ZNF487: variants seen among roughly 807,000 people sequenced by gnomAD.
ZNF487 encodes zinc finger protein 487, also known as KRAB domain only 1.
In ZNF487, 4 loss-of-function variants were observed where a neutral mutation model predicts 3.0. The observed-to-expected ratio is 1.35, with a 90% CI of 0.66 to 3.08. The LOEUF is 3.08. Among genes scored for constraint, ZNF487 ranks in the 30% most tolerant of loss-of-function variants. The probability of loss-of-function intolerance (pLI) is 0.01; values close to 1 mark genes in which losing one functional copy is unlikely to be tolerated. For missense variants in ZNF487, 146 were observed against 98.7 expected (o/e 1.48, Z -2.03); for synonymous variants, 55 against 34.6 (o/e 1.59, Z -2.06).
the ZNF487 span, among the ~76,000 whole-genome samples, chr10:43,500,150 C>T: frequency 6.6e-6 from 1 of 152,232 alleles, no homozygotes; most frequent in African/African-American, 2.4e-5. Flanking sequence ...GCTGGGATTA[C>T]AGGCATGAGC....
At chr10:43,437,419 C>T (rs1839428222) in intron 1 of ZNF487, among the ~76,000 whole-genome samples, 157 bp downstream of exon 1, 1 of 152,074 alleles carries the variant, frequency 6.6e-6, no homozygotes, top group African/African-American at 2.4e-5. Flanking sequence ...TCTTTGACCC[C>T]AGTGCGGGAG....
chr10:43,439,216 T>G (rs1839488808), intron 1 of ZNF487, among the ~76,000 whole-genome samples: 1 of 151,892 alleles, frequency 6.6e-6, no homozygotes, highest in African/African-American at 2.4e-5. Flanking sequence ...CACTCCAGCC[T>G]GGGTGACAGA....
the ZNF487 span, among the ~76,000 whole-genome samples, chr10:43,490,423 AT>A: frequency 2.2e-5 from 3 of 135,364 alleles, no homozygotes; most frequent in African/African-American, 8.3e-5. Context: ...TCTTCTTGTG[AT>A]TTTCCCCCCA....
chr10:43,476,060 C>T (rs1841089284), intron 2 of ZNF487, 47 bp from the exon 3 acceptor site: 3 of 712,082 alleles, frequency 4.2e-6, no homozygotes, highest in Admixed American at 2.1e-5. Flanking sequence ...ACACCTTTGT[C>T]CTCCGCAGGC....
downstream of ZNF487, among the ~76,000 whole-genome samples, chr10:43,484,179 C>T (rs1026438895): frequency 1.8e-4 from 28 of 152,044 alleles, no homozygotes; most frequent in Admixed American, 1.3e-3. Flanking sequence ...TTTATTCTCA[C>T]CTTAGAATCA....
chr10:43,512,663 C>T, the ZNF487 span, among the ~76,000 whole-genome samples: 1 of 152,190 alleles, frequency 6.6e-6, no homozygotes, highest in Non-Finnish European at 1.5e-5. Flanking sequence ...CTGACACCTC[C>T]AGCACCATTG....
At chr10:43,493,854 G>A in the ZNF487 span, among the ~76,000 whole-genome samples, 1 of 150,506 alleles carries the variant, frequency 6.6e-6, no homozygotes, top group African/African-American at 2.4e-5. Flanking sequence ...GTTTTGACGT[G>A]ATATGCACTG....
intron 1 of ZNF487, among the ~76,000 whole-genome samples, chr10:43,467,498 C>T (rs899407472): frequency 2.6e-5 from 4 of 151,998 alleles, no homozygotes; most frequent in Non-Finnish European, 4.4e-5. Context: ...CCACTGCGCC[C>T]GACCTTCAAC....
chr10:43,504,086 G>A, the ZNF487 span, among the ~76,000 whole-genome samples: 2 of 152,002 alleles, frequency 1.3e-5, no homozygotes, highest in African/African-American at 4.8e-5. Context: ...ATACCATTTA[G>A]GTTTTTGTAA....
the ZNF487 span, among the ~76,000 whole-genome samples, chr10:43,500,124 C>T: frequency 1.3e-5 from 2 of 152,122 alleles, no homozygotes; most frequent in Admixed American, 1.3e-4. Flanking sequence ...ATCCGCCTGC[C>T]TCGGCCTCCC....
the ZNF487 span, among the ~76,000 whole-genome samples, chr10:43,500,534 C>T: frequency 6.6e-6 from 1 of 152,120 alleles, no homozygotes; most frequent in Non-Finnish European, 1.5e-5. Flanking sequence ...CAGGATCTTG[C>T]TCAGTCACCG....
chr10:43,502,234 G>C, the ZNF487 span, among the ~76,000 whole-genome samples: 1 of 152,172 alleles, frequency 6.6e-6, no homozygotes, highest in Non-Finnish European at 1.5e-5. Context: ...CTTTTGTAGG[G>C]ACATGGATGA....
In ZNF487 at chr10:43,472,102, TGGCTGAG is replaced by T. The variant is rs368743148; in HGVS notation, c.-93-3617_-93-3611del. 2.7e-4 allele frequency among the ~76,000 whole-genome samples: 41 copies of T among 152,330 alleles called. No homozygotes were observed. In the East Asian group the frequency reaches 6.9e-3, roughly 26 times the overall value. On this transcript the variant is annotated intron_variant, in intron 1 of 3. Transcript: ENST00000437590. ...CATTTGTTATCACTTGTACTTTGTC[TGGCTGAG>T]GCCTCTCCCTTGGCAATGTTTTGTC...
intron 3 of ZNF487, among the ~76,000 whole-genome samples, chr10:43,476,750 A>G (rs966385485): frequency 2.2e-4 from 33 of 152,170 alleles, no homozygotes; most frequent in African/African-American, 7.7e-4. Context: ...CTTAGGCCAC[A>G]GTGTCACGTG....
intron 1 of ZNF487, among the ~76,000 whole-genome samples, chr10:43,441,268 C>G (rs1161321593): frequency 2.0e-5 from 3 of 150,308 alleles, no homozygotes; most frequent in Non-Finnish European, 4.4e-5. Context: ...CACCAGACCG[C>G]TTTGCCTTTT....
chr10:43,476,779 C>T (rs985123097), intron 3 of ZNF487, among the ~76,000 whole-genome samples: 2 of 152,168 alleles, frequency 1.3e-5, no homozygotes, highest in African/African-American at 4.8e-5. Context: ...AGCAGTGAGC[C>T]AGGCTGCGTG....
In ZNF487 at chr10:43,476,040, T is replaced by C; in HGVS notation, c.35-67T>C. On this transcript the variant is annotated intron_variant, in intron 2 of 3. Transcript: ENST00000437590. ...ATGAAATGCTCAAGTGGACCTATTT[T>C]TGTGCAGGCACACCTTTGTCCTCCG... is the stretch of plus-strand genomic sequence containing the variant. 5 of 703,360 alleles carry C rather than the reference T, an allele frequency of 7.1e-6. No individual in the cohort carries two copies. The South Asian group carries it at 7.7e-5, about 11-fold the overall frequency. The allele number at this position is 703,360 out of a possible 1,614,324, so 43.6% of individuals were successfully genotyped here.
At chr10:43,489,003 G>T in the ZNF487 span, among the ~76,000 whole-genome samples, 1 of 152,024 alleles carries the variant, frequency 6.6e-6, no homozygotes, top group Middle Eastern at 3.4e-3. Flanking sequence ...TATGCGTGTA[G>T]TCCTGGCTAC....
At chr10:43,460,376 CTTTCTTTTTTTT>C (rs1840385094) in intron 1 of ZNF487, among the ~76,000 whole-genome samples, 1 of 136,694 alleles carries the variant, frequency 7.3e-6, no homozygotes, top group South Asian at 2.3e-4. Context: ...TGTTTTCTTT[CTTTCTTTTTTTT>C]TTTTTTTTTT....
Sources: gnomAD v4.1 joint callset for allele counts (sites outside exome capture counted in the v4.1 genomes callset) on GRCh38, gnomAD v4.1.1 for gene constraint, MANE v1.5 for transcripts, NCBI Gene and HGNC (gene_info 2026-07-23, HGNC 2026-07-21) for gene names.